The following GABRG3 variants were observed in gnomAD, a reference collection of about 807,000 sequenced individuals.
The protein encoded by GABRG3 is gamma-aminobutyric acid type A receptor subunit gamma3.
Under a neutral mutation model 48.8 loss-of-function variants are expected in GABRG3, and 25 were observed. The ratio of observed to expected loss-of-function variants is 0.51; its 90% confidence interval spans 0.37 to 0.72. The LOEUF (loss-of-function observed/expected upper bound fraction) is 0.72. GABRG3 is among the 30% of genes least tolerant of loss of function. The pLI, the probability that GABRG3 is intolerant of heterozygous loss-of-function variation, is 0.00. For synonymous variants in GABRG3, 227 were observed against 217.6 expected (o/e 1.04, Z -0.38); for missense variants, 394 against 577.9 (o/e 0.68, Z 3.26).
intron 3 of GABRG3, among the ~76,000 whole-genome samples, chr15:27,310,277 TA>T (rs1310108496): frequency 6.6e-6 from 1 of 152,084 alleles, no homozygotes; most frequent in Non-Finnish European, 1.5e-5. Context: ...GCTACACAAA[TA>T]TATACATGTG....
chr15:27,122,638 G>A (rs1715471209), intron 3 of GABRG3, among the ~76,000 whole-genome samples: 1 of 152,226 alleles, frequency 6.6e-6, no homozygotes, highest in Admixed American at 6.5e-5. Flanking sequence ...TGGAGGTGCA[G>A]ACAGCCTGTG....
chr15:27,069,445 C>T (rs1896790511), intron 3 of GABRG3, among the ~76,000 whole-genome samples: 1 of 152,288 alleles, frequency 6.6e-6, no homozygotes, highest in South Asian at 2.1e-4. Context: ...ATGTTGTGCA[C>T]TTCTACGGTT....
intron 2 of GABRG3, among the ~76,000 whole-genome samples, chr15:26,999,809 TTC>T (rs1206686129): frequency 1.3e-5 from 2 of 152,154 alleles, no homozygotes; most frequent in Non-Finnish European, 2.9e-5. Flanking sequence ...TTAAATATTT[TTC>T]TTTTATTTAA....
chr15:27,200,388 G>C (rs1888644153), intron 3 of GABRG3, among the ~76,000 whole-genome samples: 1 of 152,056 alleles, frequency 6.6e-6, no homozygotes. Flanking sequence ...CTTCCTTTTG[G>C]GAGTTTTACA....
intron 2 of GABRG3, among the ~76,000 whole-genome samples, chr15:26,999,144 C>A (rs797000953): frequency 3.5e-5 from 5 of 144,192 alleles, no homozygotes; most frequent in African/African-American, 7.7e-5. Flanking sequence ...AAAAAAAAAA[C>A]ACAATGAAAA....
At chr15:27,201,762 A>G (rs1307747196) in intron 3 of GABRG3, among the ~76,000 whole-genome samples, 1 of 152,194 alleles carries the variant, frequency 6.6e-6, no homozygotes, top group Non-Finnish European at 1.5e-5. Context: ...ATGAACTTAT[A>G]ATTCTAAATA....
At chr15:27,374,438 A>G (rs1282016134) in intron 5 of GABRG3, among the ~76,000 whole-genome samples, 1 of 152,012 alleles carries the variant, frequency 6.6e-6, no homozygotes, top group African/African-American at 2.4e-5. Context: ...TGAATTTTCT[A>G]TTGATATATT....
chr15:27,502,655 C>A (rs1360545367), intron 6 of GABRG3, among the ~76,000 whole-genome samples: 1 of 152,252 alleles, frequency 6.6e-6, no homozygotes, highest in Non-Finnish European at 1.5e-5. Context: ...GTCTCCAGAG[C>A]TTCTGACCAA....
At chr15:27,153,525 T>A (rs991678748) in intron 3 of GABRG3, among the ~76,000 whole-genome samples, 15 of 152,292 alleles carry the variant, frequency 9.8e-5, no homozygotes, top group African/African-American at 2.2e-4. Context: ...GAAATATTTT[T>A]AAATAATTTT....
At chr15:27,364,129 A>T (rs917680324) in intron 5 of GABRG3, 2 of 152,238 alleles carry the variant, frequency 1.3e-5, no homozygotes, top group African/African-American at 4.8e-5. Context: ...GACTTCAGTA[A>T]ACGTTTTAAA....
chr15:27,167,051 C>T (rs974675251), intron 3 of GABRG3, among the ~76,000 whole-genome samples: 2 of 152,108 alleles, frequency 1.3e-5, no homozygotes, highest in Non-Finnish European at 2.9e-5. Flanking sequence ...GCTATCAGCC[C>T]CTCTCTCCAG....
chr15:27,092,008 C>T (rs1042951477), intron 3 of GABRG3, among the ~76,000 whole-genome samples: 1 of 152,150 alleles, frequency 6.6e-6, no homozygotes, highest in African/African-American at 2.4e-5. Flanking sequence ...CCCAGAGGTC[C>T]CTGCTCCACC....
At chr15:27,297,633 T>C (rs1892042292) in intron 3 of GABRG3, among the ~76,000 whole-genome samples, 1 of 152,198 alleles carries the variant, frequency 6.6e-6, no homozygotes, top group Non-Finnish European at 1.5e-5. Context: ...CATTCTATGT[T>C]TGTGTAAGTA....
chr15:27,172,314 A>G (rs1295246459), intron 3 of GABRG3, among the ~76,000 whole-genome samples: 2 of 152,126 alleles, frequency 1.3e-5, no homozygotes, highest in East Asian at 3.9e-4. Context: ...CCCTTTTGAA[A>G]TCTTGGAAGG....
rs75957433 is a variant in GABRG3, at chr15:26,974,246, C to G, written c.53+2658C>G. 0.035 allele frequency among the ~76,000 whole-genome samples: 5,281 copies of G among 152,282 alleles called. 325 individuals carry two copies. The highest frequency in any genetic ancestry group is 0.12 in the African/African-American group (4,993 of 41,540). Reference sequence around the variant, plus strand: ...TCCTGCTTTCTTTTTCTTGGTCCCCCTCACTGCCACCTGTCCTGGCCTCTA... The same window carrying G: ...TCCTGCTTTCTTTTTCTTGGTCCCCGTCACTGCCACCTGTCCTGGCCTCTA... On this transcript the variant is annotated intron_variant, in intron 1 of 9. Coordinates refer to ENST00000615808, the MANE Select transcript of GABRG3 (RefSeq NM_033223.5). This position sits in a 1 kb window ranked among gnomAD's most constrained non-coding sequence, Gnocchi z 4.3.
At chr15:27,367,094 G>T (rs9708245) in intron 5 of GABRG3, among the ~76,000 whole-genome samples, 4 of 151,924 alleles carry the variant, frequency 2.6e-5, no homozygotes, top group South Asian at 2.1e-4. Context: ...ACTGCTTTCC[G>T]CAGGTCTCCC....
intron 5 of GABRG3, among the ~76,000 whole-genome samples, chr15:27,400,418 CTG>C (rs1887441109): frequency 6.6e-6 from 1 of 152,222 alleles, no homozygotes; most frequent in Non-Finnish European, 1.5e-5. Context: ...CTTTAAAATA[CTG>C]TCTTACAATG....
Position 27,527,424 on chromosome 15 carries a change from C to G in GABRG3, c.866-9C>G. 6.2e-7 allele frequency: 1 copy of G among 1,611,358 alleles called. No individual in the cohort carries two copies. The highest frequency in any genetic ancestry group is 2.2e-5 in the East Asian group (1 of 44,832). ...CCCTTTTACAACATGCTACCCGTCCCCTGTTCAGGCATCACCACGGTGCTG... is the reference window on the plus strand; with the variant it reads ...CCCTTTTACAACATGCTACCCGTCCGCTGTTCAGGCATCACCACGGTGCTG... On this transcript the variant is annotated splice_polypyrimidine_tract_variant and intron_variant, in intron 7 of 9. Transcript: ENST00000615808.
chr15:27,428,680 G>A (rs1888363228), intron 5 of GABRG3, among the ~76,000 whole-genome samples: 1 of 152,156 alleles, frequency 6.6e-6, no homozygotes, highest in African/African-American at 2.4e-5. Flanking sequence ...TTGTCCACCA[G>A]ACAAAAATGA....
Sources: allele counts gnomAD v4.1 joint callset (sites outside exome capture counted in the v4.1 genomes callset), GRCh38; gene constraint gnomAD v4.1.1; non-coding constraint Gnocchi (gnomAD v3.1); transcripts MANE v1.5; gene names NCBI Gene and HGNC (gene_info 2026-07-23, HGNC 2026-07-21).